The following DNAJB9 variants were observed in gnomAD, a reference collection of about 807,000 sequenced individuals.
DNAJB9 encodes the protein DnaJ heat shock protein family (Hsp40) member B9, also known as dnaJ homolog subfamily B member 9.
In DNAJB9, 12 loss-of-function variants were observed where a neutral mutation model predicts 19.2. The observed-to-expected ratio is 0.62, with a 90% CI of 0.40 to 1.01. The LOEUF (loss-of-function observed/expected upper bound fraction) is 1.01. Ranked by LOEUF, DNAJB9 falls within the 50% of genes least tolerant of loss-of-function variation. The pLI, the probability that DNAJB9 is intolerant of heterozygous loss-of-function variation, is 0.00. For missense variants in DNAJB9, 272 were observed against 261.1 expected (o/e 1.04, Z -0.29); for synonymous variants, 83 against 84.0 (o/e 0.99, Z 0.07).
Position 108,574,681 on chromosome 7 carries a change from T to C in DNAJB9, c.*1328T>C, listed in dbSNP as rs1353383632. ...TTCCTGCTGCCAGTTCTTTCCTCTTTAGGCGTGGTTGAGAAAAAGCAGAAA... is the reference window on the plus strand; with the variant it reads ...TTCCTGCTGCCAGTTCTTTCCTCTTCAGGCGTGGTTGAGAAAAAGCAGAAA... On this transcript the variant is annotated 3_prime_UTR_variant, in exon 3 of 3. Transcript: ENST00000249356. 1.3e-5 allele frequency: 2 copies of C among 152,202 alleles called. No individual in the cohort carries two copies. Among genetic ancestry groups the C allele is most frequent in the South Asian group, 2.1e-4 (1 of 4,838 alleles). 9.4% of individuals were successfully genotyped at this position (152,202 alleles called of 1,614,324 possible).
chr7:108,570,503 C>G (rs1207191317), intron 1 of DNAJB9, among the ~76,000 whole-genome samples: 1 of 147,310 alleles, frequency 6.8e-6, no homozygotes, highest in African/African-American at 2.7e-5. Flanking sequence ...AACTAGTCTG[C>G]TAAAAAAAAA....
intron 1 of DNAJB9, 81 bp from the exon 2 acceptor site, chr7:108,571,636 C>T (rs1340331758): frequency 8.7e-7 from 1 of 1,145,600 alleles, no homozygotes; most frequent in Non-Finnish European, 1.2e-6. Flanking sequence ...ATTAGGTTTA[C>T]CTTGTGTTGG....
chr7:108,573,477 A>G lies in DNAJB9; in HGVS notation c.*124A>G, dbSNP rs1054098392. On this transcript the variant is annotated 3_prime_UTR_variant, in exon 3 of 3. Coordinates refer to ENST00000249356, the MANE Select transcript of DNAJB9 (RefSeq NM_012328.3). ...TCACTTTAAACAATTTGATATAGCT[A>G]TTAAATATATTTAAGGGTTTTTTTT... 4.6e-5 allele frequency: 28 copies of G among 607,442 alleles called. No individual in the cohort carries two copies. Among genetic ancestry groups the G allele is most frequent in the African/African-American group, 3.9e-4 (20 of 51,830 alleles). The allele number at this position is 607,442 out of a possible 1,614,324, so 37.6% of individuals were successfully genotyped here. A position where few individuals can be genotyped will look rare whatever the true frequency, so the allele number is the denominator to read the frequency against.
chr7:108,572,358 A>G (rs1483588491), intron 2 of DNAJB9, among the ~76,000 whole-genome samples: 1 of 152,204 alleles, frequency 6.6e-6, no homozygotes, highest in Non-Finnish European at 1.5e-5. Context: ...TTTCAAAGCC[A>G]TATTTGTCTT....
Position 108,569,948 on chromosome 7 carries a change from G to C in DNAJB9, c.-166G>C, listed in dbSNP as rs1372466290. 2.3e-5 allele frequency: 8 copies of C among 345,844 alleles called. No homozygotes were observed. In the East Asian group the frequency reaches 5.1e-4, roughly 22 times the overall value. The allele number at this position is 345,844 out of a possible 1,614,324, so 21.4% of individuals were successfully genotyped here. On this transcript the variant is annotated 5_prime_UTR_variant, in exon 1 of 3. Coordinates refer to ENST00000249356, the MANE Select transcript of DNAJB9 (RefSeq NM_012328.3). ...AGGGGACTGGGCGCCGGCGGGGAAGGAGGAGCGCTAGGTCGGTGTACGACC... is the reference window on the plus strand; with the variant it reads ...AGGGGACTGGGCGCCGGCGGGGAAGCAGGAGCGCTAGGTCGGTGTACGACC...
rs201461664 is a variant in DNAJB9 at position 108,571,809 on chromosome 7, A to G, written c.83A>G (p.Tyr28Cys). The G allele has an allele frequency of 3.5e-5, 57 of 1,614,192 alleles. No homozygotes were observed. The highest frequency in any genetic ancestry group is 5.0e-5 in the Admixed American group (3 of 60,030). ...TTAATTCTGGCCTCAAAAAGCTACT[A>G]TGATATCTTAGGTGTGCCAAAATCG... ...TELILASKSYYDILGVPKSAS... is the reference protein window; with the variant it reads ...TELILASKSYCDILGVPKSAS... Residue 28 changes from tyrosine to cysteine, a missense_variant, in exon 2 of 3, where the codon TAT becomes TGT. By Grantham distance (194) the Tyr-to-Cys change is radical (BLOSUM62 -2). Coordinates refer to ENST00000249356, the MANE Select transcript of DNAJB9 (RefSeq NM_012328.3).
intron 2 of DNAJB9, 150 bp downstream of exon 2, chr7:108,572,093 C>T (rs1356101508): frequency 3.1e-5 from 20 of 651,254 alleles, no homozygotes; most frequent in Non-Finnish European, 5.2e-5. Flanking sequence ...AGATTATTTT[C>T]TTATCACAGA....
Position 108,571,861 on chromosome 7 carries a change from C to G in DNAJB9, c.135C>G (p.Ala45=), listed in dbSNP as rs748315025. The change falls in exon 2 of 3, where the codon GCC becomes GCG. Residue 45 remains alanine (A), a synonymous_variant. Transcript: ENST00000249356. ...CATCAGAGCGCCAAATCAAGAAGGC[C>G]TTTCACAAGTTGGCCATGAAGTACC... ...KSASERQIKK[A]FHKLAMKYHP... is the part of the protein sequence containing the mutation. 3.1e-6 allele frequency: 5 copies of G among 1,613,970 alleles called. No homozygotes were observed. In the African/African-American group the frequency reaches 6.7e-5, roughly 22 times the overall value.
intron 2 of DNAJB9, 72 bp downstream of exon 2, chr7:108,572,015 G>C (rs1486405150): frequency 1.4e-6 from 2 of 1,468,954 alleles, no homozygotes; most frequent in Non-Finnish European, 1.9e-6. Context: ...AGAAGTGTTT[G>C]TATTTGAAGG....
Position 108,572,977 on chromosome 7 carries a change from G to A in DNAJB9, c.296G>A (p.Gly99Glu). 1 of 1,614,032 alleles carries A rather than the reference G, an allele frequency of 6.2e-7. No homozygotes were observed. The highest frequency in any genetic ancestry group is 8.5e-7 in the Non-Finnish European group (1 of 1,179,932). The part of the protein sequence containing the change: ...LGHSAFTSGK[G>E]QRGSGSSFEQ... ...CACAGTGCTTTTACTAGTGGTAAAG[G>A]ACAAAGAGGTAGTGGAAGTTCTTTT... The change falls in exon 3 of 3, where the codon GGA (glycine) becomes GAA (glutamate). Residue 99 changes from glycine (G) to glutamate (E), a missense_variant. Transcript: ENST00000249356.
chr7:108,571,530 T>C (rs762254630), intron 1 of DNAJB9, among the ~76,000 whole-genome samples, 187 bp from the exon 2 acceptor site: 2 of 152,178 alleles, frequency 1.3e-5, no homozygotes, highest in African/African-American at 4.8e-5. Flanking sequence ...ATTTTTGTTC[T>C]CAATAAGGTT....
intron 2 of DNAJB9, 148 bp from the exon 3 acceptor site, chr7:108,572,751 C>G: frequency 3.2e-6 from 2 of 630,492 alleles, no homozygotes; most frequent in South Asian, 2.3e-5. Flanking sequence ...TAACTTGATG[C>G]TTATATTTGT....
intron 2 of DNAJB9, among the ~76,000 whole-genome samples, chr7:108,572,470 G>T (rs368133955): frequency 1.3e-5 from 2 of 152,174 alleles, no homozygotes; most frequent in Admixed American, 6.5e-5. Flanking sequence ...TAACTGAGTA[G>T]GGAGTTAGAA....
chr7:108,570,832 G>T (rs989293272), intron 1 of DNAJB9, among the ~76,000 whole-genome samples: 1 of 152,152 alleles, frequency 6.6e-6, no homozygotes, highest in African/African-American at 2.4e-5. Context: ...AGGTTACTAA[G>T]GACTCTGGTG....
chr7:108,572,567 AATG>A (rs1225034326), intron 2 of DNAJB9, among the ~76,000 whole-genome samples: 1 of 152,190 alleles, frequency 6.6e-6, no homozygotes, highest in East Asian at 1.9e-4. Context: ...TAATACAATT[AATG>A]ATTTCACACG....
rs1790674911 is a variant in DNAJB9, at chr7:108,574,676, C to T, written c.*1323C>T. ...AAGTGTTCCTGCTGCCAGTTCTTTC[C>T]TCTTTAGGCGTGGTTGAGAAAAAGC... On this transcript the variant is annotated 3_prime_UTR_variant, in exon 3 of 3. Transcript: ENST00000249356. 1 of 152,020 alleles carries T rather than the reference C, an allele frequency of 6.6e-6. No individual in the cohort carries two copies. Among genetic ancestry groups the T allele is most frequent in the African/African-American group, 2.4e-5 (1 of 41,362 alleles). The allele number at this position is 152,020 out of a possible 1,614,324, so 9.4% of individuals were successfully genotyped here. A position where few individuals can be genotyped will look rare whatever the true frequency, so the allele number is the denominator to read the frequency against.
In DNAJB9 at chr7:108,573,403, CTT is replaced by C. The variant is rs1790651842; in HGVS notation, c.*52_*53del. On this transcript the variant is annotated 3_prime_UTR_variant, in exon 3 of 3. Coordinates refer to ENST00000249356, the MANE Select transcript of DNAJB9 (RefSeq NM_012328.3). ...CAACTGGTTGACTCTTCCTCATTAT[CTT>C]TGATGCTAAACAATTTTCTGTGAAC... The C allele has an allele frequency of 7.4e-7, 1 of 1,354,926 alleles. No individual in the cohort carries two copies. The highest frequency in any genetic ancestry group is 1.5e-5 in the African/African-American group (1 of 68,722). 83.9% of individuals were successfully genotyped at this position (1,354,926 alleles called of 1,614,324 possible).
At chr7:108,572,831 G>A in intron 2 of DNAJB9, 68 bp from the exon 3 acceptor site, 1 of 1,311,110 alleles carries the variant, frequency 7.6e-7, no homozygotes, top group South Asian at 1.5e-5. Context: ...CTTGCTTGAA[G>A]AGATTTGAAT....
chr7:108,572,750 G>GC (rs1459068631), intron 2 of DNAJB9, 149 bp from the exon 3 acceptor site: 50 of 630,208 alleles, frequency 7.9e-5, no homozygotes, highest in Non-Finnish European at 1.2e-4. Context: ...TTAACTTGAT[G>GC]CTTATATTTG....
Sources: allele counts gnomAD v4.1 joint callset (sites outside exome capture counted in the v4.1 genomes callset), GRCh38; gene constraint gnomAD v4.1.1; transcripts MANE v1.5; gene names NCBI Gene and HGNC (gene_info 2026-07-23, HGNC 2026-07-21).